The following COL18A1 variants were observed in gnomAD, a reference collection of about 807,000 sequenced individuals.
COL18A1 encodes collagen type XVIII alpha 1 chain.
COL18A1 carries 133 observed loss-of-function variants against 168.0 expected under a neutral mutation model. The observed-to-expected ratio is 0.79, with a 90% CI of 0.69 to 0.91. The LOEUF is 0.91. COL18A1 is among the 40% of genes least tolerant of loss of function. The pLI, the probability that COL18A1 is intolerant of heterozygous loss-of-function variation, is 0.00. For synonymous variants in COL18A1, 949 were observed against 809.0 expected (o/e 1.17, Z -2.94); for missense variants, 2,126 against 1,925.4 (o/e 1.10, Z -1.95).
chr21:45,494,878 C>T lies in COL18A1; in HGVS notation c.2396C>T (p.Pro799Leu), dbSNP rs376924299. 136 of 1,610,346 alleles carry T rather than the reference C, an allele frequency of 8.4e-5. No homozygotes were observed. Among genetic ancestry groups the T allele is most frequent in the Non-Finnish European group, 1.1e-4 (128 of 1,178,890 alleles). ...FRGPPGPYGRPGYKGEIGFPG... is the reference protein window; with the variant it reads ...FRGPPGPYGRLGYKGEIGFPG... ...CTCTTGCAGGGTCCATACGGACGGC[C>T]GGGGTACAAGGGAGAGATTGGCTTT... Residue 799 changes from proline (P) to leucine (L), a missense_variant, in exon 28 of 42, where the codon CCG (proline) becomes CTG (leucine). Physicochemically the swap from Pro to Leu is moderately conservative, Grantham distance 98 (BLOSUM62 -3). Transcript: ENST00000651438.
chr21:45,456,224 A>C (rs200930983), intron 2 of COL18A1: 1 of 1,605,716 alleles, frequency 6.2e-7, no homozygotes, highest in Admixed American at 1.7e-5. Context: ...TCCCTGGGGA[A>C]GCCTGCAGGA....
In COL18A1 at chr21:45,510,090, C is replaced by T. The variant is rs1568952253; in HGVS notation, c.3522C>T (p.Pro1174=). The T allele has an allele frequency of 1.9e-6, 3 of 1,585,424 alleles. No individual in the cohort carries two copies. In the South Asian group the frequency reaches 3.4e-5, roughly 18 times the overall value. ...TCCACCTGGTTGCGCTCAACAGCCC[C>T]CTGTCAGGCGGCATGCGGGGCATCC... ...PVLHLVALNS[P]LSGGMRGIRG... is the part of the protein sequence containing the mutation. Residue 1174 remains proline (P), a synonymous_variant, in exon 40 of 42, where the codon CCC becomes CCT. Coordinates refer to ENST00000651438, the MANE Select transcript of COL18A1 (RefSeq NM_001379500.1).
At chr21:45,492,377 G>A (rs569216042) in intron 22 of COL18A1, among the ~76,000 whole-genome samples, 158 bp from the exon 23 acceptor site, 2 of 152,258 alleles carry the variant, frequency 1.3e-5, no homozygotes, top group Non-Finnish European at 2.9e-5. Flanking sequence ...AGGGGCGTCT[G>A]TGCTGCAGGA....
chr21:45,449,801 T>C (rs2034581959), intron 2 of COL18A1, among the ~76,000 whole-genome samples: 1 of 152,170 alleles, frequency 6.6e-6, no homozygotes, highest in Non-Finnish European at 1.5e-5. Context: ...GTCATGCCGC[T>C]GGCCGGGTTG....
At chr21:45,430,258 G>A (rs962474994) in intron 2 of COL18A1, among the ~76,000 whole-genome samples, 4 of 151,198 alleles carry the variant, frequency 2.6e-5, no homozygotes, top group African/African-American at 4.9e-5. Flanking sequence ...TTTGGGGGCC[G>A]CCATCTTTCT....
chr21:45,471,858 C>T lies in COL18A1; in HGVS notation c.652-2037C>T, dbSNP rs1272510476. Among the ~76,000 whole-genome samples, 3 of 152,148 alleles carry T rather than the reference C, an allele frequency of 2.0e-5. No homozygotes were observed. The highest frequency in any genetic ancestry group is 2.9e-5 in the Non-Finnish European group (2 of 68,034). On this transcript the variant is annotated intron_variant, in intron 3 of 41. Transcript: ENST00000651438. The surrounding 1 kb of genome is among the most constrained non-coding windows in gnomAD (Gnocchi z 4.4). Reference sequence around the variant, plus strand: ...CTGTGAGCTCTGTTTCAGGTGTCTCCGGATTTCATAACTTTCAGTCCGAAG... The same window carrying T: ...CTGTGAGCTCTGTTTCAGGTGTCTCTGGATTTCATAACTTTCAGTCCGAAG...
intron 2 of COL18A1, among the ~76,000 whole-genome samples, chr21:45,419,001 G>T (rs973429623): frequency 6.6e-6 from 1 of 152,230 alleles, no homozygotes; most frequent in African/African-American, 2.4e-5. Flanking sequence ...AGGGCTGCAG[G>T]TCAGCTCTTC....
rs748620358 is a variant in COL18A1 at position 45,512,176 on chromosome 21, C to T, written c.3810-12C>T. On this transcript the variant is annotated splice_polypyrimidine_tract_variant and intron_variant, in intron 41 of 41. Coordinates refer to ENST00000651438, the MANE Select transcript of COL18A1 (RefSeq NM_001379500.1). ...GGTCTGGGTTTGACTGACGGCCCGG[C>T]GCGTCTTACAGGCCCCAGAAGAGCG... is the stretch of plus-strand genomic sequence containing the variant. The T allele has an allele frequency of 3.5e-5, 56 of 1,608,104 alleles. No homozygotes were observed. Among genetic ancestry groups the T allele is most frequent in the Admixed American group, 6.7e-5 (4 of 59,450 alleles).
At chr21:45,496,300 G>A (rs180965204) in intron 29 of COL18A1, 200 bp from the exon 30 acceptor site, 82 of 713,782 alleles carry the variant, frequency 1.1e-4, no homozygotes, top group Admixed American at 5.8e-4. Context: ...CGACTCCAGC[G>A]TGGGATGAGG....
chr21:45,439,105 ATG>A (rs1013739112), intron 2 of COL18A1, among the ~76,000 whole-genome samples: 1 of 152,234 alleles, frequency 6.6e-6, no homozygotes, highest in Non-Finnish European at 1.5e-5. Flanking sequence ...TGTGACCCTT[ATG>A]TGTCTGTTAA....
intron 18 of COL18A1, among the ~76,000 whole-genome samples, chr21:45,488,803 G>C (rs2036202045): frequency 1.3e-5 from 2 of 152,250 alleles, no homozygotes; most frequent in East Asian, 1.9e-4. Context: ...GGACTCCTGG[G>C]CTCAGGGACA....
intron 4 of COL18A1, 53 bp from the exon 5 acceptor site, chr21:45,475,423 G>A (rs2035611712): frequency 5.3e-6 from 8 of 1,509,186 alleles, no homozygotes; most frequent in Admixed American, 1.9e-5. Flanking sequence ...TGCCGGGCTC[G>A]GGGCCTGGCC....
At chr21:45,497,725 C>T (rs971225931) in intron 32 of COL18A1, 64 bp downstream of exon 32, 5 of 1,546,144 alleles carry the variant, frequency 3.2e-6, no homozygotes, top group Non-Finnish European at 4.4e-6. Flanking sequence ...AGTGTGGTCA[C>T]ACCTAGAGCC....
chr21:45,455,413 A>G, intron 2 of COL18A1: 1 of 1,445,046 alleles, frequency 6.9e-7, no homozygotes, highest in Non-Finnish European at 9.5e-7. Flanking sequence ...GGTGGAAGAC[A>G]GCCGGCCAGA....
At chr21:45,435,659 G>A (rs531774723) in intron 2 of COL18A1, among the ~76,000 whole-genome samples, 69 of 152,256 alleles carry the variant, frequency 4.5e-4, no homozygotes, top group Admixed American at 1.2e-3. Flanking sequence ...GGAAGTGAGC[G>A]TTTGCCCACT....
chr21:45,476,742 ATG>A (rs1376986776), intron 6 of COL18A1, among the ~76,000 whole-genome samples: 75 of 147,694 alleles, frequency 5.1e-4, no homozygotes, highest in African/African-American at 1.8e-3. Context: ...GCATGTGGGC[ATG>A]TGTGTGTGCA....
intron 32 of COL18A1, among the ~76,000 whole-genome samples, chr21:45,501,224 A>G (rs4819126): frequency 0.58 from 87,296 of 151,708 alleles, 25,968 homozygotes; most frequent in African/African-American, 0.73. Flanking sequence ...CTACATTTCT[A>G]TGCATCTAAT....
chr21:45,487,166 C>T (rs573955511), intron 16 of COL18A1, among the ~76,000 whole-genome samples, 174 bp downstream of exon 16: 28 of 152,348 alleles, frequency 1.8e-4, no homozygotes, highest in African/African-American at 6.3e-4. Context: ...TCTCGCCCGT[C>T]GCCCGTGCCC....
At chr21:45,497,444 T>TG (rs939663205) in intron 31 of COL18A1, among the ~76,000 whole-genome samples, 155 bp from the exon 32 acceptor site, 3 of 152,218 alleles carry the variant, frequency 2.0e-5, no homozygotes, top group Non-Finnish European at 4.4e-5. Context: ...AGGGCGCCCC[T>TG]GCTCTCCAGC....
Sources: gnomAD v4.1 joint callset for allele counts (sites outside exome capture counted in the v4.1 genomes callset) on GRCh38, gnomAD v4.1.1 for gene constraint, Gnocchi (gnomAD v3.1) non-coding constraint, MANE v1.5 for transcripts, NCBI Gene and HGNC (gene_info 2026-07-23, HGNC 2026-07-21) for gene names.